ARHGAP24: variants seen among roughly 807,000 people sequenced by gnomAD.
The protein encoded by ARHGAP24 is Rho GTPase activating protein 24.
A neutral mutation model predicts 76.4 loss-of-function variants in ARHGAP24; 50 were observed. The observed-to-expected ratio is 0.65, with a 90% CI of 0.52 to 0.83. The LOEUF (loss-of-function observed/expected upper bound fraction) is 0.83. ARHGAP24 is among the 40% of genes least tolerant of loss of function. The pLI, the probability that ARHGAP24 is intolerant of heterozygous loss-of-function variation, is 0.00. For synonymous variants in ARHGAP24, 345 were observed against 323.3 expected (o/e 1.07, Z -0.72); for missense variants, 930 against 914.2 (o/e 1.02, Z -0.22).
At chr4:85,579,594 T>C (rs1335594239) in intron 2 of ARHGAP24, among the ~76,000 whole-genome samples, 2 of 151,794 alleles carry the variant, frequency 1.3e-5, no homozygotes, top group Admixed American at 1.3e-4. Context: ...TGTCACCATA[T>C]GTTCATTCAT....
intron 1 of ARHGAP24, among the ~76,000 whole-genome samples, chr4:85,543,474 T>A (rs891635876): frequency 6.6e-6 from 1 of 152,114 alleles, no homozygotes; most frequent in Non-Finnish European, 1.5e-5. Context: ...AAGAATGACA[T>A]CTTCTACTGT....
intron 1 of ARHGAP24, among the ~76,000 whole-genome samples, chr4:85,547,550 C>G (rs1183310827): frequency 6.6e-6 from 1 of 152,128 alleles, no homozygotes; most frequent in Non-Finnish European, 1.5e-5. Context: ...ATTTTCCCAC[C>G]TCAGCCTCTT....
chr4:85,994,502 T>C (rs1740524830), intron 8 of ARHGAP24, 81 bp from the exon 9 acceptor site: 1 of 1,300,532 alleles, frequency 7.7e-7, no homozygotes, highest in East Asian at 2.3e-5. Context: ...CTCTTGAATG[T>C]GTTTCTTTAA....
chr4:85,569,791 C>T (rs1288192314), intron 1 of ARHGAP24, among the ~76,000 whole-genome samples: 1 of 152,198 alleles, frequency 6.6e-6, no homozygotes, highest in Non-Finnish European at 1.5e-5. Flanking sequence ...GTAGAAACAT[C>T]TTGAGATATG....
At chr4:85,676,509 G>T (rs2110006175) in intron 2 of ARHGAP24, among the ~76,000 whole-genome samples, 1 of 152,302 alleles carries the variant, frequency 6.6e-6, no homozygotes, top group African/African-American at 2.4e-5. Flanking sequence ...GGTGGAGTTG[G>T]TAGTGTTGGG....
At chr4:85,578,100 C>A (rs1306065486) in intron 2 of ARHGAP24, among the ~76,000 whole-genome samples, 1 of 152,172 alleles carries the variant, frequency 6.6e-6, no homozygotes, top group African/African-American at 2.4e-5. Flanking sequence ...AGAACTCATT[C>A]TATGTACAGT....
chr4:85,969,049 T>C lies in ARHGAP24; in HGVS notation c.600-2987T>C, dbSNP rs554151559. Among the ~76,000 whole-genome samples, 3 of 152,142 alleles carry C rather than the reference T, an allele frequency of 2.0e-5. No individual in the cohort carries two copies. The South Asian group carries it at 6.2e-4, about 32-fold the overall frequency. ...CTTACCTTGATTCATGGCTCAAATATTTCTATTCTTGGAACATTACTGCAG... is the reference window on the plus strand; with the variant it reads ...CTTACCTTGATTCATGGCTCAAATACTTCTATTCTTGGAACATTACTGCAG... On this transcript the variant is annotated intron_variant, in intron 5 of 9. Coordinates refer to ENST00000395184, the MANE Select transcript of ARHGAP24 (RefSeq NM_001025616.3).
Position 86,000,922 on chromosome 4 carries a change from G to A in ARHGAP24, c.*200G>A. The A allele has an allele frequency of 1.4e-6, 1 of 727,328 alleles. No individual in the cohort carries two copies. Among genetic ancestry groups the A allele is most frequent in the Non-Finnish European group, 2.2e-6 (1 of 452,498 alleles). The allele number at this position is 727,328 out of a possible 1,614,324, so 45.1% of individuals were successfully genotyped here. A position where few individuals can be genotyped will look rare whatever the true frequency, so the allele number is the denominator to read the frequency against. ...ATGCCCCATAATGCTACTGTCAAGT[G>A]TTACAACTGGATATGTGTATATAGA... On this transcript the variant is annotated 3_prime_UTR_variant, in exon 10 of 10. Coordinates refer to ENST00000395184, the MANE Select transcript of ARHGAP24 (RefSeq NM_001025616.3).
At chr4:85,667,367 A>T (rs533585287) in intron 2 of ARHGAP24, among the ~76,000 whole-genome samples, 1 of 152,130 alleles carries the variant, frequency 6.6e-6, no homozygotes, top group Admixed American at 6.5e-5. Flanking sequence ...CAGTATTAGG[A>T]TGGGAGTGAC....
intron 1 of ARHGAP24, among the ~76,000 whole-genome samples, chr4:85,547,534 C>T (rs764946857): frequency 2.0e-5 from 3 of 152,062 alleles, no homozygotes; most frequent in African/African-American, 4.8e-5. Context: ...CTCCCAGGAT[C>T]AGATGATTTT....
chr4:85,485,479 T>C lies in ARHGAP24; in HGVS notation c.-21+9920T>C, dbSNP rs575526867. The stretch of plus-strand genomic sequence containing the variant: ...TATATTAACTGTATGTTTCAAAAGG[T>C]CCTCCTTTATTTTTTGTTTAAATAA... On this transcript the variant is annotated intron_variant, in intron 1 of 9. Coordinates refer to ENST00000395184, the MANE Select transcript of ARHGAP24 (RefSeq NM_001025616.3). Among the ~76,000 whole-genome samples, 674 of 145,640 alleles carry C rather than the reference T, an allele frequency of 4.6e-3. 5 individuals carry two copies. The highest frequency in any genetic ancestry group is 0.016 in the African/African-American group (636 of 39,470).
chr4:85,487,306 T>C (rs534792440), intron 1 of ARHGAP24, among the ~76,000 whole-genome samples: 1,322 of 120,874 alleles, frequency 0.011, 32 homozygotes, highest in African/African-American at 0.04. Context: ...TATATATTTA[T>C]TATATATAAA....
In ARHGAP24 at chr4:85,889,440, A is replaced by G. The variant is rs114776162; in HGVS notation, c.269-34208A>G. On this transcript the variant is annotated intron_variant, in intron 3 of 9. Coordinates refer to ENST00000395184, the MANE Select transcript of ARHGAP24 (RefSeq NM_001025616.3). ...ATAACATATTTAGGGAGAAGTCTCA[A>G]TAAACATGAGCTGTTATTATTTCCT... 5.3e-3 allele frequency among the ~76,000 whole-genome samples: 814 copies of G among 152,356 alleles called. 12 individuals carry two copies. The highest frequency in any genetic ancestry group is 0.019 in the African/African-American group (775 of 41,584).
intron 1 of ARHGAP24, among the ~76,000 whole-genome samples, chr4:85,510,458 CCT>C (rs1257456724): frequency 1.3e-5 from 2 of 151,440 alleles, no homozygotes; most frequent in Non-Finnish European, 2.9e-5. Context: ...TCTTTTTCTC[CCT>C]CTCTCTACCC....
chr4:85,931,348 T>C (rs951439326), intron 4 of ARHGAP24, among the ~76,000 whole-genome samples: 1 of 151,972 alleles, frequency 6.6e-6, no homozygotes, highest in Non-Finnish European at 1.5e-5. Flanking sequence ...GGGGCCAGAG[T>C]GATCTTGGGC....
Position 85,654,823 on chromosome 4 carries a change from T to G in ARHGAP24, c.181-67062T>G, listed in dbSNP as rs545484514. ...TTTATAACATTCATATTATATAACATGATATAAATGTGTACATGTGTATGT... is the reference window on the plus strand; with the variant it reads ...TTTATAACATTCATATTATATAACAGGATATAAATGTGTACATGTGTATGT... On this transcript the variant is annotated intron_variant, in intron 2 of 9. Transcript: ENST00000395184. 9.9e-5 allele frequency among the ~76,000 whole-genome samples: 15 copies of G among 152,250 alleles called. No homozygotes were observed. The South Asian group carries it at 2.1e-3, about 21-fold the overall frequency.
intron 5 of ARHGAP24, among the ~76,000 whole-genome samples, chr4:85,965,612 A>G (rs1324918771): frequency 7.2e-5 from 11 of 151,976 alleles, no homozygotes; most frequent in Admixed American, 6.6e-4. Flanking sequence ...GGAATTTTCC[A>G]CTCCAAATAC....
chr4:85,952,092 C>T (rs1002034870), intron 5 of ARHGAP24, among the ~76,000 whole-genome samples: 3 of 151,928 alleles, frequency 2.0e-5, no homozygotes, highest in Non-Finnish European at 4.4e-5. Context: ...TTTTAAAATT[C>T]GACACTCCAG....
At chr4:85,722,378 C>CA (rs1200528162) in intron 3 of ARHGAP24, 28 of 141,420 alleles carry the variant, frequency 2.0e-4, no homozygotes, top group South Asian at 4.0e-4. Context: ...GGAGGTTTTG[C>CA]AAAAAACAAA....
Sources: allele counts gnomAD v4.1 joint callset (sites outside exome capture counted in the v4.1 genomes callset), GRCh38; gene constraint gnomAD v4.1.1; transcripts MANE v1.5; gene names NCBI Gene and HGNC (gene_info 2026-07-23, HGNC 2026-07-21).